The following ENOX1 variants were observed in gnomAD, a reference collection of about 807,000 sequenced individuals.
ENOX1 encodes ecto-NOX disulfide-thiol exchanger 1.
A neutral mutation model predicts 82.5 loss-of-function variants in ENOX1; 42 were observed. The ratio of observed to expected loss-of-function variants is 0.51; its 90% confidence interval spans 0.40 to 0.66. The LOEUF (loss-of-function observed/expected upper bound fraction) is 0.66, where lower values mean the gene tolerates loss of function less well. ENOX1 is among the 30% of genes least tolerant of loss of function. The pLI is 0.00. For synonymous variants in ENOX1, 271 were observed against 282.2 expected (o/e 0.96, Z 0.40); for missense variants, 608 against 811.6 (o/e 0.75, Z 3.05).
intron 11 of ENOX1, among the ~76,000 whole-genome samples, chr13:43,319,639 C>T (rs1319171815): frequency 6.6e-6 from 1 of 152,088 alleles, no homozygotes; most frequent in East Asian, 1.9e-4. Context: ...CCCTGGGGGA[C>T]CACAGACAGA....
chr13:43,607,210 C>A (rs1467700810), intron 2 of ENOX1, among the ~76,000 whole-genome samples: 2 of 151,736 alleles, frequency 1.3e-5, no homozygotes, highest in Non-Finnish European at 2.9e-5. Flanking sequence ...ATTTCATGTA[C>A]CCCTTAAATG....
chr13:43,662,529 T>C (rs2084785448), intron 2 of ENOX1, among the ~76,000 whole-genome samples: 1 of 152,210 alleles, frequency 6.6e-6, no homozygotes, highest in South Asian at 2.1e-4. Flanking sequence ...ATCTCTTTTC[T>C]GTACATATTT....
chr13:43,472,798 GC>G (rs1413518215), intron 3 of ENOX1, among the ~76,000 whole-genome samples: 4 of 152,164 alleles, frequency 2.6e-5, no homozygotes, highest in Non-Finnish European at 5.9e-5. Flanking sequence ...GGAAAATGAA[GC>G]TGGGTACGGA....
chr13:43,354,009 G>A (rs1299069072), intron 8 of ENOX1, among the ~76,000 whole-genome samples: 2 of 152,198 alleles, frequency 1.3e-5, no homozygotes, highest in African/African-American at 2.4e-5. Flanking sequence ...TAGATGATAC[G>A]CTTTTATGAA....
At chr13:43,604,186 C>T (rs937329760) in intron 2 of ENOX1, among the ~76,000 whole-genome samples, 171 of 150,810 alleles carry the variant, frequency 1.1e-3, no homozygotes, top group Non-Finnish European at 1.8e-3. Flanking sequence ...TAAATGTCTT[C>T]TTTTGAGAAG....
At chr13:43,289,860 G>A (rs1047139258) in intron 12 of ENOX1, among the ~76,000 whole-genome samples, 5 of 151,952 alleles carry the variant, frequency 3.3e-5, no homozygotes, top group African/African-American at 1.2e-4. Context: ...CAATCTCTAG[G>A]GAACTTAAAT....
intron 10 of ENOX1, 114 bp from the exon 11 acceptor site, chr13:43,322,615 C>T: frequency 1.2e-6 from 1 of 855,034 alleles, no homozygotes; most frequent in Admixed American, 2.3e-5. Context: ...GCTTTTATCT[C>T]CCAAATATAG....
intron 3 of ENOX1, among the ~76,000 whole-genome samples, chr13:43,413,831 T>C (rs1278393502): frequency 1.3e-5 from 2 of 151,298 alleles, no homozygotes; most frequent in Non-Finnish European, 2.9e-5. Flanking sequence ...TAAAATGCTA[T>C]GCCTTCTCTC....
chr13:43,672,354 T>C (rs1334319730), intron 1 of ENOX1, among the ~76,000 whole-genome samples: 1 of 152,232 alleles, frequency 6.6e-6, no homozygotes, highest in Non-Finnish European at 1.5e-5. Flanking sequence ...TCTCCTACTT[T>C]ATTACCGTTA....
chr13:43,230,775 C>T (rs1306825831), intron 15 of ENOX1, among the ~76,000 whole-genome samples: 1 of 152,098 alleles, frequency 6.6e-6, no homozygotes, highest in Non-Finnish European at 1.5e-5. Context: ...TCCTTTGCAT[C>T]CTTATACAAA....
chr13:43,782,410 T>TA (rs1357164880), intron 1 of ENOX1, among the ~76,000 whole-genome samples: 2 of 152,226 alleles, frequency 1.3e-5, no homozygotes, highest in African/African-American at 4.8e-5. Context: ...AGATTTTTTT[T>TA]AAAGTGAAGT....
intron 2 of ENOX1, among the ~76,000 whole-genome samples, chr13:43,643,637 A>G (rs550767389): frequency 2.5e-4 from 37 of 150,560 alleles, no homozygotes; most frequent in South Asian, 4.2e-4. Context: ...GTGTGTGTAT[A>G]TATATATATA....
chr13:43,587,190 T>C lies in ENOX1; in HGVS notation c.-219+80289A>G, dbSNP rs148853369. Among the ~76,000 whole-genome samples the C allele has an allele frequency of 4.4e-3, 671 of 152,346 alleles. 1 individual carries two copies. Among genetic ancestry groups the C allele is most frequent in the Non-Finnish European group, 7.4e-3 (503 of 68,032 alleles). ...ATTTAGGGTAAGAAGCACTTGTCAG[T>C]CTCAATTTTGCTCCAGATGAGGACC... On this transcript the variant is annotated intron_variant, in intron 2 of 16. Transcript: ENST00000690772.
chr13:43,699,422 G>C (rs2086801945), intron 1 of ENOX1, among the ~76,000 whole-genome samples: 1 of 152,208 alleles, frequency 6.6e-6, no homozygotes, highest in Admixed American at 6.5e-5. Context: ...ATATGCAACA[G>C]AGCGTTCTTA....
intron 5 of ENOX1, among the ~76,000 whole-genome samples, chr13:43,374,184 T>C (rs953016918): frequency 3.3e-5 from 5 of 150,438 alleles, no homozygotes; most frequent in African/African-American, 9.8e-5. Context: ...TTTCCTTCCT[T>C]CCTCCCTCCC....
intron 2 of ENOX1, chr13:43,544,347 A>C (rs1298989672): frequency 2.6e-5 from 4 of 152,216 alleles, no homozygotes; most frequent in African/African-American, 9.7e-5. Flanking sequence ...GAGATGATTC[A>C]TGTTAAGTGC....
At chr13:43,378,202 T>C (rs181344005) in intron 5 of ENOX1, among the ~76,000 whole-genome samples, 2 of 152,312 alleles carry the variant, frequency 1.3e-5, no homozygotes, top group African/African-American at 4.8e-5. Flanking sequence ...GTGAGCCATA[T>C]GATTGCCCCA....
chr13:43,672,520 CTT>C (rs1348051384), intron 1 of ENOX1, among the ~76,000 whole-genome samples: 1 of 152,080 alleles, frequency 6.6e-6, no homozygotes, highest in Non-Finnish European at 1.5e-5. Flanking sequence ...AATTTGTATG[CTT>C]TTCTCTTTTT....
chr13:43,370,163 C>A (rs971493559), intron 5 of ENOX1, among the ~76,000 whole-genome samples: 2 of 152,082 alleles, frequency 1.3e-5, no homozygotes, highest in African/African-American at 4.8e-5. Context: ...GTCCAGAGAT[C>A]GAGACCAACC....
Sources: allele counts gnomAD v4.1 joint callset (sites outside exome capture counted in the v4.1 genomes callset), GRCh38; gene constraint gnomAD v4.1.1; transcripts MANE v1.5; gene names NCBI Gene and HGNC (gene_info 2026-07-23, HGNC 2026-07-21).